Variants in ZNF804B observed in about 807,000 individuals in gnomAD.
The protein encoded by ZNF804B is zinc finger protein 804B.
A neutral mutation model predicts 101.4 loss-of-function variants in ZNF804B; 80 were observed. The ratio of observed to expected loss-of-function variants is 0.79; its 90% CI spans 0.66 to 0.95. The LOEUF is 0.95. Among genes scored for constraint, ZNF804B ranks in the 40% least tolerant of loss-of-function variants. ZNF804B has a pLI of 0.00. For synonymous variants in ZNF804B, 622 were observed against 558.8 expected, an observed-to-expected ratio of 1.11 and a Z score of -1.59; for missense variants, 1,673 against 1,561.9, an observed-to-expected ratio of 1.07 and a Z score of -1.20.
intron 1 of ZNF804B, among the ~76,000 whole-genome samples, chr7:88,851,500 A>G (rs948694411): frequency 7.2e-5 from 11 of 152,076 alleles, no homozygotes; most frequent in Middle Eastern, 3.2e-3. Context: ...AAACAAAGAA[A>G]CCATAATCTA....
chr7:89,308,380 T>C (rs1395355720), intron 2 of ZNF804B, among the ~76,000 whole-genome samples: 2 of 152,142 alleles, frequency 1.3e-5, no homozygotes, highest in African/African-American at 2.4e-5. Flanking sequence ...AGGGCTTGTT[T>C]TGATAACAAA....
At chr7:89,005,856 T>C (rs1287839761) in intron 1 of ZNF804B, among the ~76,000 whole-genome samples, 1 of 152,084 alleles carries the variant, frequency 6.6e-6, no homozygotes, top group African/African-American at 2.4e-5. Context: ...ATTTTTCTCC[T>C]TTTCTACACC....
At chr7:88,863,037 T>C (rs1791673838) in intron 1 of ZNF804B, among the ~76,000 whole-genome samples, 1 of 152,212 alleles carries the variant, frequency 6.6e-6, no homozygotes, top group South Asian at 2.1e-4. Flanking sequence ...GCCTATAACA[T>C]GTCTACAAGG....
chr7:88,973,085 G>T (rs1238673395), intron 1 of ZNF804B, among the ~76,000 whole-genome samples: 1 of 149,898 alleles, frequency 6.7e-6, no homozygotes, highest in Non-Finnish European at 1.5e-5. Context: ...GTAACTATTG[G>T]TATTTTAATG....
At chr7:89,222,567 A>G (rs1205529865) in intron 2 of ZNF804B, among the ~76,000 whole-genome samples, 1 of 151,926 alleles carries the variant, frequency 6.6e-6, no homozygotes, top group Admixed American at 6.6e-5. Flanking sequence ...CTCCGTTTCC[A>G]GATTTATCTT....
chr7:89,275,101 T>A (rs1789959211), intron 2 of ZNF804B, among the ~76,000 whole-genome samples: 1 of 151,984 alleles, frequency 6.6e-6, no homozygotes, highest in Non-Finnish European at 1.5e-5. Flanking sequence ...TATCTAGACC[T>A]TACTCTTGAT....
intron 1 of ZNF804B, among the ~76,000 whole-genome samples, chr7:89,207,045 A>G (rs1788724545): frequency 6.6e-6 from 1 of 152,204 alleles, no homozygotes; most frequent in South Asian, 2.1e-4. Flanking sequence ...TTTTGGTCAA[A>G]GCCATTCAAC....
chr7:89,191,397 AG>A (rs1394369916), intron 1 of ZNF804B, among the ~76,000 whole-genome samples: 1 of 152,158 alleles, frequency 6.6e-6, no homozygotes, highest in Non-Finnish European at 1.5e-5. Flanking sequence ...GCAACTGATA[AG>A]TGGCCATAAG....
chr7:88,902,902 A>C (rs1221815043), intron 1 of ZNF804B, among the ~76,000 whole-genome samples: 1 of 152,074 alleles, frequency 6.6e-6, no homozygotes, highest in Non-Finnish European at 1.5e-5. Context: ...TCTGTTTCAA[A>C]CGTAAAATGC....
Position 89,327,483 on chromosome 7 carries a change from T to C in ZNF804B, c.380+9T>C. The C allele has an allele frequency of 6.2e-7, 1 of 1,607,602 alleles. No homozygotes were observed. Among genetic ancestry groups the C allele is most frequent in the Non-Finnish European group, 8.5e-7 (1 of 1,177,248 alleles). On this transcript the variant is annotated intron_variant, in intron 3 of 3. Coordinates refer to ENST00000333190, the MANE Select transcript of ZNF804B (RefSeq NM_181646.5). ...AGGCAGCAATCTGAATGGTAAGAATTAAAGGTGTCTGGGATGCTTCAAAAC... is the reference window on the plus strand; with the variant it reads ...AGGCAGCAATCTGAATGGTAAGAATCAAAGGTGTCTGGGATGCTTCAAAAC...
At chr7:88,845,160 C>T (rs1478732548) in intron 1 of ZNF804B, among the ~76,000 whole-genome samples, 2 of 152,198 alleles carry the variant, frequency 1.3e-5, no homozygotes, top group Non-Finnish European at 2.9e-5. Context: ...TTGCCTTAGC[C>T]AGATCAGTTC....
chr7:89,172,891 A>G (rs576752069), intron 1 of ZNF804B, among the ~76,000 whole-genome samples: 1 of 152,312 alleles, frequency 6.6e-6, no homozygotes, highest in African/African-American at 2.4e-5. Context: ...CTCAAAAGGA[A>G]TAAACTTTAA....
intron 1 of ZNF804B, among the ~76,000 whole-genome samples, chr7:89,099,990 G>A (rs2116336840): frequency 6.6e-6 from 1 of 152,254 alleles, no homozygotes; most frequent in East Asian, 1.9e-4. Flanking sequence ...AATCTCTAAG[G>A]CTAGAACCTA....
At chr7:89,093,959 GT>G (rs1329813028) in intron 1 of ZNF804B, among the ~76,000 whole-genome samples, 1 of 152,180 alleles carries the variant, frequency 6.6e-6, no homozygotes, top group Non-Finnish European at 1.5e-5. Flanking sequence ...CTTACCCTGA[GT>G]TCACAGGGCT....
At chr7:89,020,101 A>G (rs1342271280) in intron 1 of ZNF804B, among the ~76,000 whole-genome samples, 1 of 152,102 alleles carries the variant, frequency 6.6e-6, no homozygotes, top group African/African-American at 2.4e-5. Flanking sequence ...GGCTTGCTGT[A>G]ATAAAGATAG....
At chr7:88,905,092 T>C (rs1792448367) in intron 1 of ZNF804B, among the ~76,000 whole-genome samples, 1 of 152,176 alleles carries the variant, frequency 6.6e-6, no homozygotes, top group African/African-American at 2.4e-5. Context: ...GTATGTTGTA[T>C]ATGGCTCTTG....
intron 1 of ZNF804B, among the ~76,000 whole-genome samples, chr7:89,128,906 C>A (rs1790508388): frequency 6.6e-6 from 1 of 152,020 alleles, no homozygotes; most frequent in South Asian, 2.1e-4. Context: ...GGCTAAGTGC[C>A]TCATGCCAAG....
intron 1 of ZNF804B, among the ~76,000 whole-genome samples, chr7:88,979,810 A>G (rs547195994): frequency 9.3e-5 from 14 of 151,230 alleles, no homozygotes; most frequent in East Asian, 3.9e-4. Flanking sequence ...TTCTATCCCA[A>G]ACTCTCTCTC....
chr7:88,997,492 G>T (rs1294520651), intron 1 of ZNF804B, among the ~76,000 whole-genome samples: 1 of 151,946 alleles, frequency 6.6e-6, no homozygotes, highest in Non-Finnish European at 1.5e-5. Context: ...ATCACTATTG[G>T]ATATTAACTG....
Sources: gnomAD v4.1 joint callset for allele counts (sites outside exome capture counted in the v4.1 genomes callset) on GRCh38, gnomAD v4.1.1 for gene constraint, MANE v1.5 for transcripts, NCBI Gene and HGNC (gene_info 2026-07-23, HGNC 2026-07-21) for gene names.